Variants in THTPA observed in about 807,000 individuals in gnomAD.
THTPA encodes thiamine triphosphatase.
A neutral mutation model predicts 16.5 loss-of-function variants in THTPA; 16 were observed. The ratio of observed to expected loss-of-function variants is 0.97; its 90% CI spans 0.66 to 1.47. The LOEUF is 1.47. Ranked by LOEUF, THTPA falls within the 40% of genes most tolerant of loss-of-function variation. THTPA has a pLI of 0.00. For missense variants in THTPA, 281 were observed against 280.9 expected, an observed-to-expected ratio of 1.00 and a Z score of 0.00; for synonymous variants, 110 against 115.5, an observed-to-expected ratio of 0.95 and a Z score of 0.30.
chr14:23,550,878 C>A, the THTPA span, among the ~76,000 whole-genome samples: 1 of 152,080 alleles, frequency 6.6e-6, no homozygotes, highest in Non-Finnish European at 1.5e-5. Flanking sequence ...GGCCGCGGTT[C>A]TCCCATCCCA....
In THTPA at chr14:23,559,302, C is replaced by T. The variant is rs898901479; in HGVS notation, c.*462C>T. 4 of 216,782 alleles carry T rather than the reference C, an allele frequency of 1.8e-5. No homozygotes were observed. The highest frequency in any genetic ancestry group is 5.3e-5 in the Admixed American group (1 of 19,040). The allele number at this position is 216,782 out of a possible 1,614,324, so 13.4% of individuals were successfully genotyped here. On this transcript the variant is annotated 3_prime_UTR_variant, in exon 2 of 2. Coordinates refer to ENST00000288014, the MANE Select transcript of THTPA (RefSeq NM_024328.6). ...AAAAGTTGAGGAAATGGTTGGGAAT[C>T]GCTGTTAGAACTCTAGAAATTCTAA...
At chr14:23,520,241 C>T in the THTPA span, among the ~76,000 whole-genome samples, 1 of 152,076 alleles carries the variant, frequency 6.6e-6, no homozygotes, top group Non-Finnish European at 1.5e-5. This position sits in a 1 kb window ranked among gnomAD's most constrained non-coding sequence, Gnocchi z 8.7. Flanking sequence ...ATGGACGGGT[C>T]CCGACTCCCT....
the THTPA span, among the ~76,000 whole-genome samples, chr14:23,537,529 C>T: frequency 6.6e-6 from 1 of 152,160 alleles, no homozygotes; most frequent in African/African-American, 2.4e-5. Flanking sequence ...AGCTTCCCTC[C>T]TCCTGGGGTT....
At chr14:23,529,194 G>C in the THTPA span, among the ~76,000 whole-genome samples, 1 of 152,212 alleles carries the variant, frequency 6.6e-6, no homozygotes, top group African/African-American at 2.4e-5. Context: ...TGCTGCCTAG[G>C]TCTGAGTCCT....
the THTPA span, chr14:23,522,974 C>T: frequency 1.4e-6 from 2 of 1,432,888 alleles, no homozygotes; most frequent in East Asian, 5.0e-5. Flanking sequence ...GAAGGATTAG[C>T]CATCTCCTGT....
the THTPA span, among the ~76,000 whole-genome samples, chr14:23,535,654 G>A: frequency 2.6e-5 from 4 of 152,004 alleles, no homozygotes; most frequent in South Asian, 2.1e-4. The surrounding 1 kb of genome is among the most constrained non-coding windows in gnomAD (Gnocchi z 4.5). Context: ...GTGCAATGGC[G>A]TGATCTCGGC....
At chr14:23,529,685 T>C in the THTPA span, 1 of 1,534,866 alleles carries the variant, frequency 6.5e-7, no homozygotes, top group Non-Finnish European at 8.7e-7. Flanking sequence ...CCACTTCAGC[T>C]CTTCCCAGTT....
the THTPA span, chr14:23,522,551 A>G: frequency 6.5e-7 from 1 of 1,527,182 alleles, no homozygotes; most frequent in South Asian, 1.2e-5. Context: ...CCCCTTCTTC[A>G]TGCCATAGAG....
chr14:23,518,403 A>C, the THTPA span, among the ~76,000 whole-genome samples: 2 of 152,222 alleles, frequency 1.3e-5, no homozygotes, highest in South Asian at 4.1e-4. This position sits in a 1 kb window ranked among gnomAD's most constrained non-coding sequence, Gnocchi z 4.5. Context: ...TTCTGTAAGT[A>C]TACTCCAGGG....
chr14:23,554,719 T>A (rs924797329), upstream of THTPA, among the ~76,000 whole-genome samples: 1 of 151,978 alleles, frequency 6.6e-6, no homozygotes, highest in Non-Finnish European at 1.5e-5. Context: ...AGTGTCCTTC[T>A]CCCTATAATA....
At chr14:23,523,606 C>G in the THTPA span, 13 of 1,556,270 alleles carry the variant, frequency 8.4e-6, no homozygotes, top group Admixed American at 7.5e-5. The surrounding 1 kb of genome is among the most constrained non-coding windows in gnomAD (Gnocchi z 4.1). Context: ...CATTCTGGAA[C>G]CAGACCTGGA....
the THTPA span, among the ~76,000 whole-genome samples, chr14:23,544,821 T>C: frequency 6.6e-6 from 1 of 152,176 alleles, no homozygotes; most frequent in African/African-American, 2.4e-5. Flanking sequence ...CTGGCCACGT[T>C]CTTTCCCTCC....
chr14:23,552,847 C>T (rs1882078458), upstream of THTPA, among the ~76,000 whole-genome samples: 2 of 152,162 alleles, frequency 1.3e-5, no homozygotes, highest in Admixed American at 6.5e-5. Flanking sequence ...GGTGATCCAC[C>T]GGCCTCAGCC....
the THTPA span, chr14:23,512,631 T>C: frequency 2.0e-5 from 3 of 148,200 alleles, no homozygotes; most frequent in African/African-American, 7.5e-5. Flanking sequence ...TAAATATTGG[T>C]ACTGAGGACC....
At chr14:23,526,684 G>C in the THTPA span, 1 of 1,535,938 alleles carries the variant, frequency 6.5e-7, no homozygotes, top group Non-Finnish European at 8.7e-7. Flanking sequence ...GGCCTTCTAG[G>C]GGAGAGAGAA....
the THTPA span, chr14:23,533,098 A>G: frequency 7.3e-6 from 11 of 1,502,834 alleles, no homozygotes; most frequent in Non-Finnish European, 9.7e-6. The surrounding 1 kb of genome is among the most constrained non-coding windows in gnomAD (Gnocchi z 4.8). Flanking sequence ...GAGGACAGAG[A>G]CAGATTAGTG....
the THTPA span, chr14:23,531,960 C>T: frequency 1.9e-5 from 7 of 365,560 alleles, no homozygotes; most frequent in Admixed American, 5.0e-5. Flanking sequence ...ATTTTTAGTA[C>T]AGATGGGGTT....
chr14:23,519,715 C>T, the THTPA span, among the ~76,000 whole-genome samples: 1 of 152,140 alleles, frequency 6.6e-6, no homozygotes, highest in Non-Finnish European at 1.5e-5. Flanking sequence ...TATATGGGGG[C>T]TACTGACTGA....
At chr14:23,543,204 C>T in the THTPA span, 6 of 152,348 alleles carry the variant, frequency 3.9e-5, no homozygotes, top group African/African-American at 1.2e-4. Flanking sequence ...GCTAGGCCCT[C>T]GGCAAGTATC....
Sources: allele counts gnomAD v4.1 joint callset (sites outside exome capture counted in the v4.1 genomes callset), GRCh38; gene constraint gnomAD v4.1.1; non-coding constraint Gnocchi (gnomAD v3.1); transcripts MANE v1.5; gene names NCBI Gene and HGNC (gene_info 2026-07-23, HGNC 2026-07-21).